The following PLEKHA8 variants were observed in gnomAD, a reference collection of about 807,000 sequenced individuals.
PLEKHA8 encodes pleckstrin homology domain-containing family A member 8.
A neutral mutation model predicts 68.2 loss-of-function variants in PLEKHA8; 36 were observed. The observed-to-expected ratio is 0.53, with a 90% CI of 0.40 to 0.70. PLEKHA8 has a LOEUF of 0.70. PLEKHA8 is among the 30% of genes least tolerant of loss of function. The pLI is 0.00. For missense variants in PLEKHA8, 505 were observed against 615.4 expected (o/e 0.82, Z 1.90); for synonymous variants, 211 against 216.1 (o/e 0.98, Z 0.20).
intron 9 of PLEKHA8, among the ~76,000 whole-genome samples, chr7:30,056,312 C>CTCTCTCTCTATATATATA (rs796845171): frequency 3.7e-4 from 35 of 94,542 alleles, no homozygotes; most frequent in East Asian, 1.1e-3. Context: ...CTCTCTCTCT[C>CTCTCTCTCTATATATATA]TATATATATA....
intron 13 of PLEKHA8, among the ~76,000 whole-genome samples, chr7:30,075,572 T>G (rs1417783734): frequency 1.3e-5 from 2 of 152,198 alleles, no homozygotes; most frequent in African/African-American, 4.8e-5. Flanking sequence ...CCATTAGAGC[T>G]CTCTGCAGTG....
chr7:30,053,543 C>T (rs1464863921), intron 7 of PLEKHA8, among the ~76,000 whole-genome samples: 1 of 152,136 alleles, frequency 6.6e-6, no homozygotes, highest in Non-Finnish European at 1.5e-5. Context: ...GCTGTGTATT[C>T]TTAGCTGTTA....
chr7:30,098,661 G>A (rs1282104877), intron 13 of PLEKHA8, among the ~76,000 whole-genome samples: 7 of 152,366 alleles, frequency 4.6e-5, no homozygotes, highest in East Asian at 1.9e-4. Flanking sequence ...CTGTTGTGCC[G>A]TTTGTTAAAC....
At chr7:30,101,283 C>T (rs1795843505) in intron 13 of PLEKHA8, among the ~76,000 whole-genome samples, 1 of 152,074 alleles carries the variant, frequency 6.6e-6, no homozygotes, top group Non-Finnish European at 1.5e-5. Context: ...CTGTTTAAGA[C>T]AGAATAAAAG....
At position 30,118,934 on chromosome 7, in the gene PLEKHA8, T is replaced by C. The variant is rs1796651234; in HGVS notation, c.1363-10332T>C. Among the ~76,000 whole-genome samples the C allele has an allele frequency of 2.0e-5, 3 of 152,230 alleles. No homozygotes were observed. In the South Asian group the frequency reaches 6.2e-4, roughly 32 times the overall value. On this transcript the variant is annotated intron_variant, in intron 13 of 13. Coordinates refer to the PLEKHA8 transcript ENST00000396257. ...GCCACATGCAGATTCTACCTTTCTGTATCTTGGCCTCATTCCCAAATTCTT... is the reference window on the plus strand; with the variant it reads ...GCCACATGCAGATTCTACCTTTCTGCATCTTGGCCTCATTCCCAAATTCTT...
rs1011652953 is a variant in PLEKHA8, at chr7:30,079,369, C to T, written c.*582C>T. 6.1e-6 allele frequency: 6 copies of T among 985,944 alleles called. No individual in the cohort carries two copies. The highest frequency in any genetic ancestry group is 5.2e-5 in the African/African-American group (3 of 57,338). 61.1% of individuals were successfully genotyped at this position (985,944 alleles called of 1,614,324 possible). A position where few individuals can be genotyped will look rare whatever the true frequency, so the allele number is the denominator to read the frequency against. ...ATGCAATTGTGGGAGGCGAAGAAGA[C>T]GTGGACAGGAGTCCCATCCTTGCTG... On this transcript the variant is annotated 3_prime_UTR_variant, in exon 14 of 14. Coordinates refer to ENST00000449726, the MANE Select transcript of PLEKHA8 (RefSeq NM_001197026.2).
At chr7:30,114,484 T>C (rs576602270) in intron 13 of PLEKHA8, among the ~76,000 whole-genome samples, 1 of 152,348 alleles carries the variant, frequency 6.6e-6, no homozygotes, top group East Asian at 1.9e-4. Flanking sequence ...GTGCCTCTCA[T>C]GAGGTTTGTT....
At chr7:30,035,562 A>G (rs925667216) in intron 1 of PLEKHA8, among the ~76,000 whole-genome samples, 1 of 152,042 alleles carries the variant, frequency 6.6e-6, no homozygotes, top group Non-Finnish European at 1.5e-5. Flanking sequence ...TGTCTGTTCA[A>G]ATCTTTAACC....
intron 6 of PLEKHA8, among the ~76,000 whole-genome samples, chr7:30,051,545 G>A (rs964301407): frequency 6.6e-5 from 10 of 151,914 alleles, no homozygotes; most frequent in Non-Finnish European, 1.3e-4. Flanking sequence ...TATTATGATC[G>A]TTCCTTTAAC....
At chr7:30,037,950 C>T (rs952525075) in intron 1 of PLEKHA8, among the ~76,000 whole-genome samples, 12 of 152,070 alleles carry the variant, frequency 7.9e-5, no homozygotes, top group Non-Finnish European at 1.2e-4. Flanking sequence ...TCCCCCAACC[C>T]CCTCTTAAGG....
chr7:30,118,103 GATCAGCCTGGACTA>G (rs1396602431), intron 13 of PLEKHA8: 86 of 1,302,026 alleles, frequency 6.6e-5, no homozygotes, highest in Non-Finnish European at 8.2e-5. Flanking sequence ...CTCTCCAGGG[GATCAGCCTGGACTA>G]AATGCCTCTC....
rs571442106 is a variant in PLEKHA8, at chr7:30,082,442, A to AC, written c.*3661dup. On this transcript the variant is annotated 3_prime_UTR_variant, in exon 14 of 14. Transcript: ENST00000449726. ...TGATCAGTGGGGATTCTGTTCCCCC[A>AC]CCCCCCAGACTGCAAGAGCTTCTTA... The AC allele has an allele frequency of 1.5e-4, 145 of 984,814 alleles. 1 individual carries two copies. In the South Asian group the frequency reaches 6.0e-3, roughly 41 times the overall value. The allele number at this position is 984,814 out of a possible 1,614,324, so 61.0% of individuals were successfully genotyped here. A position where few individuals can be genotyped will look rare whatever the true frequency, so the allele number is the denominator to read the frequency against.
chr7:30,072,252 A>G (rs1794285489), intron 12 of PLEKHA8: 2 of 152,348 alleles, frequency 1.3e-5, no homozygotes, highest in Non-Finnish European at 2.9e-5. Context: ...ATTCCAGCAT[A>G]TTCCTAAGCT....
chr7:30,034,471 C>CA (rs1032585747), intron 1 of PLEKHA8, among the ~76,000 whole-genome samples: 3 of 152,108 alleles, frequency 2.0e-5, no homozygotes, highest in Admixed American at 2.0e-4. Flanking sequence ...TGCGAATAAC[C>CA]AAAAGCCTTA....
chr7:30,092,117 G>A (rs1403950934), downstream of PLEKHA8, among the ~76,000 whole-genome samples: 2 of 152,156 alleles, frequency 1.3e-5, no homozygotes, highest in East Asian at 1.9e-4. Flanking sequence ...ATGAAAAGAT[G>A]ATCACAGGAT....
Position 30,083,185 on chromosome 7 carries a change from C to G in PLEKHA8, c.*4398C>G, listed in dbSNP as rs1236383665. ...GATACTCTTTGTGATCTTGTAAGGGCTCTACACAAACTTCATTATGTATGG... is the reference window on the plus strand; with the variant it reads ...GATACTCTTTGTGATCTTGTAAGGGGTCTACACAAACTTCATTATGTATGG... On this transcript the variant is annotated 3_prime_UTR_variant, in exon 14 of 14. Coordinates refer to ENST00000449726, the MANE Select transcript of PLEKHA8 (RefSeq NM_001197026.2). 1 of 983,122 alleles carries G rather than the reference C, an allele frequency of 1.0e-6. No homozygotes were observed. The highest frequency in any genetic ancestry group is 1.2e-6 in the Non-Finnish European group (1 of 828,328). 60.9% of individuals were successfully genotyped at this position (983,122 alleles called of 1,614,324 possible).
chr7:30,075,456 A>T (rs1390974750), intron 13 of PLEKHA8, among the ~76,000 whole-genome samples: 1 of 152,184 alleles, frequency 6.6e-6, no homozygotes, highest in African/African-American at 2.4e-5. Flanking sequence ...CCACTATTTT[A>T]CAAATTCAGA....
intron 12 of PLEKHA8, among the ~76,000 whole-genome samples, chr7:30,072,416 G>T (rs867499147): frequency 2.0e-5 from 3 of 152,196 alleles, no homozygotes; most frequent in Non-Finnish European, 2.9e-5. Context: ...TATTCTAAAA[G>T]TATTAATAAA....
rs116606528 is a variant in PLEKHA8, at chr7:30,039,738, G to A, written c.41-5347G>A. Among the ~76,000 whole-genome samples the A allele has an allele frequency of 8.5e-3, 1,290 of 151,818 alleles. 20 individuals are homozygous for A. Among genetic ancestry groups the A allele is most frequent in the African/African-American group, 0.03 (1,245 of 41,394 alleles). ...AGTGGCTTCCTTGCATTTTGTTTTTGTTTAAATATATAAGAGCATGTCTGT... is the reference window on the plus strand; with the variant it reads ...AGTGGCTTCCTTGCATTTTGTTTTTATTTAAATATATAAGAGCATGTCTGT... On this transcript the variant is annotated intron_variant, in intron 1 of 13. Transcript: ENST00000449726.
Sources: gnomAD v4.1 joint callset for allele counts (sites outside exome capture counted in the v4.1 genomes callset) on GRCh38, gnomAD v4.1.1 for gene constraint, MANE v1.5 for transcripts, NCBI Gene and HGNC (gene_info 2026-07-23, HGNC 2026-07-21) for gene names.